LYPD6B: variants seen among roughly 807,000 people sequenced by gnomAD.
The protein encoded by LYPD6B is ly6/PLAUR domain-containing protein 6B.
LYPD6B carries 17 observed loss-of-function variants against 22.8 expected under a neutral mutation model. The observed-to-expected ratio is 0.75, with a 90% CI of 0.51 to 1.12. LYPD6B has a LOEUF of 1.12. LYPD6B is among the 50% of genes most tolerant of loss of function. The probability of loss-of-function intolerance (pLI) is 0.00; values close to 1 mark genes in which losing one functional copy is unlikely to be tolerated. For missense variants in LYPD6B, 221 were observed against 258.3 expected (o/e 0.86, Z 0.99); for synonymous variants, 106 against 91.6 (o/e 1.16, Z -0.90).
intron 1 of LYPD6B, among the ~76,000 whole-genome samples, chr2:149,085,338 A>G (rs899347953): frequency 2.6e-5 from 4 of 152,226 alleles, no homozygotes; most frequent in African/African-American, 9.6e-5. Flanking sequence ...TGCCAGGTCC[A>G]TCTGCTACCT....
At chr2:149,129,254 TA>T (rs1225801645) in intron 1 of LYPD6B, among the ~76,000 whole-genome samples, 2 of 152,204 alleles carry the variant, frequency 1.3e-5, no homozygotes, top group African/African-American at 4.8e-5. Flanking sequence ...AAGATGCTAA[TA>T]AGAAAACAAA....
At chr2:149,071,081 G>A (rs1010856789) in intron 1 of LYPD6B, among the ~76,000 whole-genome samples, 4 of 152,190 alleles carry the variant, frequency 2.6e-5, no homozygotes, top group Admixed American at 6.5e-5. Context: ...GGACTCCTGC[G>A]TGGCTTTGTA....
intron 1 of LYPD6B, among the ~76,000 whole-genome samples, chr2:149,044,687 A>G (rs1183115182): frequency 6.6e-6 from 1 of 152,040 alleles, no homozygotes; most frequent in Non-Finnish European, 1.5e-5. Context: ...GTTTCTTATC[A>G]TGGAGCAGGC....
chr2:149,084,461 A>G (rs2105411084), intron 1 of LYPD6B, among the ~76,000 whole-genome samples: 1 of 152,256 alleles, frequency 6.6e-6, no homozygotes, highest in East Asian at 1.9e-4. Context: ...AGCCCCTGTG[A>G]CAAACAGTGC....
chr2:149,057,959 G>A (rs1037828534), intron 1 of LYPD6B, among the ~76,000 whole-genome samples: 5 of 152,164 alleles, frequency 3.3e-5, no homozygotes, highest in African/African-American at 1.2e-4. Context: ...CCTGGAACTT[G>A]CTAATGGGGA....
intron 1 of LYPD6B, among the ~76,000 whole-genome samples, chr2:149,088,267 C>T (rs1036207946): frequency 5.3e-5 from 8 of 152,072 alleles, no homozygotes; most frequent in African/African-American, 1.9e-4. Context: ...TTTCTTTGAA[C>T]TGTTTAGGAT....
chr2:149,214,455 A>T, intron 6 of LYPD6B, 91 bp from the exon 7 acceptor site: 1 of 1,347,640 alleles, frequency 7.4e-7, no homozygotes, highest in Non-Finnish European at 1.0e-6. Context: ...CTTCAGATAG[A>T]GCTCAAGAAG....
chr2:149,071,444 A>G (rs1482375750), intron 1 of LYPD6B, among the ~76,000 whole-genome samples: 1 of 152,202 alleles, frequency 6.6e-6, no homozygotes, highest in Non-Finnish European at 1.5e-5. Flanking sequence ...ACTTTGTATC[A>G]ATCGGTTGTC....
chr2:149,040,646 C>T (rs1176672137), intron 1 of LYPD6B, among the ~76,000 whole-genome samples: 1 of 152,180 alleles, frequency 6.6e-6, no homozygotes, highest in Non-Finnish European at 1.5e-5. Flanking sequence ...GACTGGCCCA[C>T]CTCTGCTGCA....
At chr2:149,205,072 G>C (rs1185541300) in intron 3 of LYPD6B, 181 bp from the exon 4 acceptor site, 2 of 599,468 alleles carry the variant, frequency 3.3e-6, no homozygotes, top group Non-Finnish European at 5.7e-6. Flanking sequence ...CCAGTAGAAG[G>C]AGGTCATTAC....
At position 149,122,222 on chromosome 2, in the gene LYPD6B, G is replaced by A. The variant is rs375922249; in HGVS notation, c.-66-8661G>A. 5.3e-5 allele frequency among the ~76,000 whole-genome samples: 8 copies of A among 152,084 alleles called. No homozygotes were observed. In the East Asian group the frequency reaches 5.8e-4, roughly 11 times the overall value. On this transcript the variant is annotated intron_variant, in intron 1 of 6. Transcript: ENST00000409642. ...TCCCGAAAGAGCACTCAGCACTGCCGAGATCGTGTCACAAGTCTGTGGGTG... is the reference window on the plus strand; with the variant it reads ...TCCCGAAAGAGCACTCAGCACTGCCAAGATCGTGTCACAAGTCTGTGGGTG...
chr2:149,122,379 A>G (rs1418150603), intron 1 of LYPD6B, among the ~76,000 whole-genome samples: 1 of 140,436 alleles, frequency 7.1e-6, no homozygotes, highest in African/African-American at 2.7e-5. Flanking sequence ...CATGTTTCTC[A>G]TTTCTTTTTT....
Position 149,050,256 on chromosome 2 carries a change from CA to C in LYPD6B, c.-67+11456del, listed in dbSNP as rs143417888. ...CGATAGTTACTGGCCTAGTTTTGTC[CA>C]CCTTTTCTTCTCGGGGGCCCTTAAC... On this transcript the variant is annotated intron_variant, in intron 1 of 6. Coordinates refer to ENST00000409642, the MANE Select transcript of LYPD6B (RefSeq NM_177964.5). Among the ~76,000 whole-genome samples, 204 of 151,626 alleles carry C rather than the reference CA, an allele frequency of 1.3e-3. 5 individuals are homozygous for C. The East Asian group carries it at 0.038, about 29-fold the overall frequency.
chr2:149,181,798 C>A (rs1691742198), intron 3 of LYPD6B, among the ~76,000 whole-genome samples: 1 of 152,198 alleles, frequency 6.6e-6, no homozygotes, highest in Non-Finnish European at 1.5e-5. Flanking sequence ...CTCTTTGCCC[C>A]TGCCACTATT....
intron 3 of LYPD6B, among the ~76,000 whole-genome samples, chr2:149,161,808 T>C (rs1690080063): frequency 6.6e-6 from 1 of 152,252 alleles, no homozygotes; most frequent in South Asian, 2.1e-4. Flanking sequence ...ATTGAATTAT[T>C]AGCACCTGTG....
At chr2:149,205,123 G>A in intron 3 of LYPD6B, 130 bp from the exon 4 acceptor site, 1 of 880,234 alleles carries the variant, frequency 1.1e-6, no homozygotes, top group South Asian at 1.8e-5. Flanking sequence ...TTTACTCGCA[G>A]GTCCTGGCCC....
intron 3 of LYPD6B, among the ~76,000 whole-genome samples, chr2:149,195,526 G>C (rs1297119022): frequency 6.6e-6 from 1 of 152,234 alleles, no homozygotes; most frequent in Non-Finnish European, 1.5e-5. Context: ...AAATGCTCCA[G>C]TGAAGCCTAA....
intron 1 of LYPD6B, among the ~76,000 whole-genome samples, chr2:149,082,582 G>A (rs567380516): frequency 6.6e-6 from 1 of 152,124 alleles, no homozygotes; most frequent in East Asian, 1.9e-4. Flanking sequence ...TGCCTTTGCC[G>A]ACAGTGTTTT....
intron 1 of LYPD6B, among the ~76,000 whole-genome samples, chr2:149,128,933 G>A (rs555412529): frequency 2.0e-5 from 3 of 152,274 alleles, no homozygotes; most frequent in South Asian, 4.1e-4. Flanking sequence ...TGAGAATTAT[G>A]TAGGCCATCT....
Sources: allele counts gnomAD v4.1 joint callset (sites outside exome capture counted in the v4.1 genomes callset), GRCh38; gene constraint gnomAD v4.1.1; transcripts MANE v1.5; gene names NCBI Gene and HGNC (gene_info 2026-07-23, HGNC 2026-07-21).